The following HYKK variants were observed in gnomAD, a reference collection of about 807,000 sequenced individuals.
The protein encoded by HYKK is hydroxylysine kinase.
Under a neutral mutation model 29.7 loss-of-function variants are expected in HYKK, and 19 were observed. The ratio of observed to expected loss-of-function variants is 0.64; its 90% CI spans 0.45 to 0.94. The LOEUF (loss-of-function observed/expected upper bound fraction) is 0.94, where lower values mean the gene tolerates loss of function less well. HYKK is among the 40% of genes least tolerant of loss of function. HYKK has a pLI of 0.00. For missense variants in HYKK, 390 were observed against 443.4 expected (o/e 0.88, Z 1.08); for synonymous variants, 152 against 158.1 (o/e 0.96, Z 0.29).
chr15:78,537,362 A>G, downstream of HYKK: 1 of 627,362 alleles, frequency 1.6e-6, no homozygotes, highest in Non-Finnish European at 3.0e-6. Context: ...AACTGTAAGA[A>G]TGAACACACC....
In HYKK at chr15:78,513,103, C is replaced by T. The variant is rs2141353288; in HGVS notation, c.15C>T (p.Asn5=). MSSG[N]YQQSEALSKP... ...CCCTAGACATAATGTCAAGTGGAAA[C>T]TATCAGCAGTCAGAGGCTCTTAGCA... Residue 5 remains asparagine, a synonymous_variant, in exon 2 of 5, where the codon AAC becomes AAT. Coordinates refer to ENST00000388988, the MANE Select transcript of HYKK (RefSeq NM_001013619.4). The T allele has an allele frequency of 6.2e-7, 1 of 1,607,864 alleles. No individual in the cohort carries two copies. The highest frequency in any genetic ancestry group is 8.5e-7 in the Non-Finnish European group (1 of 1,175,140).
chr15:78,514,174 TATA>T (rs1463259695), intron 2 of HYKK, among the ~76,000 whole-genome samples: 1 of 151,944 alleles, frequency 6.6e-6, no homozygotes, highest in Non-Finnish European at 1.5e-5. Context: ...GGTGTTGTGG[TATA>T]GTAGAAAGAA....
Position 78,514,962 on chromosome 15 carries a change from A to T in HYKK, c.338-6A>T. On this transcript the variant is annotated splice_polypyrimidine_tract_variant and splice_region_variant and intron_variant, in intron 2 of 4. Coordinates refer to ENST00000388988, the MANE Select transcript of HYKK (RefSeq NM_001013619.4). ...AGTCAAAGGATATTTTATTCCATCC[A>T]TTTAGATAGTGGCTCTGAAATCAAA... 1.3e-6 allele frequency: 2 copies of T among 1,512,414 alleles called. No homozygotes were observed. The highest frequency in any genetic ancestry group is 1.8e-6 in the Non-Finnish European group (2 of 1,119,558). 93.7% of individuals were successfully genotyped at this position (1,512,414 alleles called of 1,614,324 possible). A position where few individuals can be genotyped will look rare whatever the true frequency, so the allele number is the denominator to read the frequency against.
At chr15:78,515,190 C>A (rs2052118394) in intron 3 of HYKK, 83 bp downstream of exon 3, 4 of 1,082,462 alleles carry the variant, frequency 3.7e-6, no homozygotes, top group Admixed American at 5.0e-5. Context: ...GGATCAGATT[C>A]TCTTTTTATG....
intron 3 of HYKK, chr15:78,518,607 C>T (rs1171335156): frequency 2.2e-6 from 1 of 455,454 alleles, no homozygotes; most frequent in African/African-American, 2.0e-5. Context: ...CCCCGCGTTA[C>T]ACCCCTATTG....
At chr15:78,522,808 G>A (rs904525423) in intron 3 of HYKK, among the ~76,000 whole-genome samples, 2 of 152,100 alleles carry the variant, frequency 1.3e-5, no homozygotes, top group African/African-American at 2.4e-5. Context: ...GAACCTTGGT[G>A]GCAAAGGTTG....
At chr15:78,527,121 C>CAA (rs780522505) in intron 3 of HYKK, among the ~76,000 whole-genome samples, 6 of 131,312 alleles carry the variant, frequency 4.6e-5, no homozygotes, top group African/African-American at 1.4e-4. Flanking sequence ...ACTAATAATA[C>CAA]AAAAAAAAAA....
In HYKK at chr15:78,536,267, TCTCTCC is replaced by T. The variant is rs1480771770; in HGVS notation, c.*2607_*2612del. 2 of 151,616 alleles carry T rather than the reference TCTCTCC, an allele frequency of 1.3e-5. No individual in the cohort carries two copies. The highest frequency in any genetic ancestry group is 4.9e-5 in the African/African-American group (2 of 41,170). The allele number at this position is 151,616 out of a possible 1,614,324, so 9.4% of individuals were successfully genotyped here. A position where few individuals can be genotyped will look rare whatever the true frequency, so the allele number is the denominator to read the frequency against. ...ACTACCACAGAGTTCCATGCTACTT[TCTCTCC>T]CTCTCCCTCCTCTCCTGTCCCTGCT... On this transcript the variant is annotated 3_prime_UTR_variant, in exon 5 of 5. Transcript: ENST00000388988.
chr15:78,527,385 C>G lies in HYKK; in HGVS notation c.483C>G (p.Phe161Leu). Reference protein sequence around the residue: ...AAKLDKTLQRFHHPKLSSLHR... With the variant: ...AAKLDKTLQRLHHPKLSSLHR... ...ATATCTCGCTTTTGATTTAGAGATT[C>G]CATCACCCAAAGTTAAGTAGTCTTC... Residue 161 changes from phenylalanine (F) to leucine (L), a missense_variant, in exon 4 of 5, where the codon TTC (phenylalanine) becomes TTG (leucine). Coordinates refer to ENST00000388988, the MANE Select transcript of HYKK (RefSeq NM_001013619.4). 1 of 1,613,492 alleles carries G rather than the reference C, an allele frequency of 6.2e-7. No homozygotes were observed. The highest frequency in any genetic ancestry group is 8.5e-7 in the Non-Finnish European group (1 of 1,179,584).
At position 78,528,913 on chromosome 15, in the gene HYKK, G is replaced by A. The variant is rs557584574; in HGVS notation, c.661+1350G>A. ...GTGTAAACACAGTGTAAGGTGTAGC[G>A]TAAAAACAGAGTTGATTTTTTCCCT... On this transcript the variant is annotated intron_variant, in intron 4 of 4. Transcript: ENST00000388988. 71 of 914,352 alleles carry A rather than the reference G, an allele frequency of 7.8e-5. 1 individual carries two copies. In the South Asian group the frequency reaches 1.2e-3, roughly 16 times the overall value. The allele number at this position is 914,352 out of a possible 1,614,324, so 56.6% of individuals were successfully genotyped here.
chr15:78,516,343 C>CTTT (rs575124681), intron 3 of HYKK, among the ~76,000 whole-genome samples: 10 of 115,942 alleles, frequency 8.6e-5, no homozygotes, highest in South Asian at 2.8e-4. Flanking sequence ...AAGGGTTGGT[C>CTTT]TTTTTTTTTT....
At chr15:78,514,884 A>C in intron 2 of HYKK, 84 bp from the exon 3 acceptor site, 9 of 250,192 alleles carry the variant, frequency 3.6e-5, no homozygotes, top group East Asian at 2.3e-4. Context: ...TGTTATATCT[A>C]AATACCTCTC....
chr15:78,515,708 C>T (rs865795739), intron 3 of HYKK, among the ~76,000 whole-genome samples: 2 of 151,980 alleles, frequency 1.3e-5, no homozygotes, highest in African/African-American at 2.4e-5. Flanking sequence ...TCTGCCTCAG[C>T]CTCCCAAGTA....
At chr15:78,526,548 G>T (rs2052256903) in intron 3 of HYKK, among the ~76,000 whole-genome samples, 1 of 152,214 alleles carries the variant, frequency 6.6e-6, no homozygotes, top group South Asian at 2.1e-4. Context: ...AAGGGAAACA[G>T]CAAAAGCAAA....
chr15:78,523,362 A>G (rs891788906), intron 3 of HYKK, among the ~76,000 whole-genome samples: 5 of 152,018 alleles, frequency 3.3e-5, no homozygotes, highest in Admixed American at 3.3e-4. Flanking sequence ...ATGAGAACAC[A>G]CTCACTGTCA....
chr15:78,520,889 C>T (rs537578390), intron 3 of HYKK, among the ~76,000 whole-genome samples: 10 of 151,632 alleles, frequency 6.6e-5, no homozygotes, highest in Admixed American at 5.2e-4. Context: ...ACCTCCCTCC[C>T]GGATGGGGCG....
At chr15:78,527,707 A>G in intron 4 of HYKK, 144 bp downstream of exon 4, 1 of 1,400,842 alleles carries the variant, frequency 7.1e-7, no homozygotes, top group Non-Finnish European at 9.2e-7. Flanking sequence ...AAATAATAAT[A>G]TTTTTACTTT....
intron 3 of HYKK, 139 bp downstream of exon 3, chr15:78,515,246 G>A: frequency 1.9e-6 from 1 of 524,426 alleles, no homozygotes; most frequent in Non-Finnish European, 3.0e-6. Context: ...GAGTCCTAGA[G>A]TGCATACATT....
intron 1 of HYKK, among the ~76,000 whole-genome samples, chr15:78,509,371 T>C (rs891311613): frequency 1.3e-5 from 2 of 152,206 alleles, no homozygotes; most frequent in Non-Finnish European, 2.9e-5. Flanking sequence ...CAGCACAGCC[T>C]TTTATTACAT....
Sources: gnomAD v4.1 joint callset for allele counts (sites outside exome capture counted in the v4.1 genomes callset) on GRCh38, gnomAD v4.1.1 for gene constraint, MANE v1.5 for transcripts, NCBI Gene and HGNC (gene_info 2026-07-23, HGNC 2026-07-21) for gene names.